The following SLC39A11 variants were observed in gnomAD, a reference collection of about 807,000 sequenced individuals.
SLC39A11 encodes the protein solute carrier family 39 member 11.
Under a neutral mutation model 36.1 loss-of-function variants are expected in SLC39A11, and 33 were observed. The observed-to-expected ratio is 0.91, with a 90% CI of 0.69 to 1.22. SLC39A11 has a LOEUF of 1.22. SLC39A11 is among the 50% of genes most tolerant of loss of function. The pLI, the probability that SLC39A11 is intolerant of heterozygous loss-of-function variation, is 0.00. For synonymous variants in SLC39A11, 166 were observed against 170.3 expected (o/e 0.97, Z 0.20); for missense variants, 432 against 430.3 (o/e 1.00, Z -0.03).
rs145211486 is a variant in SLC39A11, at chr17:72,798,414, C to CTTTTTTTTTTTT, written c.601+51219_601+51220insAAAAAAAAAAAA. ...GAGCTCTGGTCTCTTCCACTTCTTT[C>CTTTTTTTTTTTT]TTTCTTTTTTTTTTTTTGAGATGGA... is the stretch of plus-strand genomic sequence containing the variant. On this transcript the variant is annotated intron_variant, in intron 6 of 9. Coordinates refer to ENST00000255559, the MANE Select transcript of SLC39A11 (RefSeq NM_139177.4). Among the ~76,000 whole-genome samples, 5 of 140,630 alleles carry CTTTTTTTTTTTT rather than the reference C, an allele frequency of 3.6e-5. 2 individuals carry two copies. Among genetic ancestry groups the CTTTTTTTTTTTT allele is most frequent in the Non-Finnish European group, 4.6e-5 (3 of 64,934 alleles). 92.3% of individuals were successfully genotyped at this position (140,630 alleles called of 152,430 possible).
At chr17:73,058,584 A>C (rs2059743849) in intron 3 of SLC39A11, among the ~76,000 whole-genome samples, 1 of 152,186 alleles carries the variant, frequency 6.6e-6, no homozygotes. Context: ...TTAGCCAGGC[A>C]TGGTAGCAGG....
intron 4 of SLC39A11, among the ~76,000 whole-genome samples, chr17:72,975,732 A>T (rs1009060384): frequency 3.3e-5 from 5 of 152,256 alleles, no homozygotes; most frequent in Non-Finnish European, 5.9e-5. Flanking sequence ...AAAGATAGAA[A>T]GCGAACAATG....
intron 7 of SLC39A11, among the ~76,000 whole-genome samples, chr17:72,725,943 A>G (rs1211054343): frequency 6.6e-6 from 1 of 152,220 alleles, no homozygotes; most frequent in Non-Finnish European, 1.5e-5. Context: ...CTGCTGTGAA[A>G]GGGTGGGGAC....
intron 4 of SLC39A11, among the ~76,000 whole-genome samples, chr17:72,990,794 G>GTA (rs200635435): frequency 1.8e-4 from 27 of 151,994 alleles, no homozygotes; most frequent in East Asian, 1.2e-3. Context: ...ATCTTACAGT[G>GTA]TATATATATA....
chr17:72,924,063 C>T (rs866481389), intron 5 of SLC39A11, among the ~76,000 whole-genome samples: 25 of 150,510 alleles, frequency 1.7e-4, no homozygotes, highest in African/African-American at 5.9e-4. Flanking sequence ...GGGAGGATCA[C>T]TTGAGCCCGG....
chr17:72,844,893 C>T (rs1409844496), intron 6 of SLC39A11, among the ~76,000 whole-genome samples: 1 of 152,186 alleles, frequency 6.6e-6, no homozygotes, highest in Non-Finnish European at 1.5e-5. Context: ...CAGTTGATGG[C>T]AATTCCATCC....
intron 5 of SLC39A11, among the ~76,000 whole-genome samples, chr17:72,926,521 T>C (rs936287613): frequency 6.6e-6 from 1 of 152,108 alleles, no homozygotes; most frequent in African/African-American, 2.4e-5. Context: ...AGATATTTTT[T>C]CTGGGGATGT....
In SLC39A11 at chr17:73,031,665, A is replaced by C; in HGVS notation, c.197T>G (p.Met66Arg). ...YWSLLAPAVEMATSSGGFGAF... is the reference protein window; with the variant it reads ...YWSLLAPAVERATSSGGFGAF... ...ACCGAAGCCCCCAGAGGACGTGGCC[A>C]TCTCAACTGCTGGGGCCAGAAGAGA... The change falls in exon 4 of 10, where the codon ATG (methionine) becomes AGG (arginine). Residue 66 changes from methionine (M) to arginine (R), a missense_variant. Met to Arg is a moderately conservative substitution (Grantham distance 91). Coordinates refer to ENST00000255559, the MANE Select transcript of SLC39A11 (RefSeq NM_139177.4). 6.2e-7 allele frequency: 1 copy of C among 1,614,160 alleles called. No individual in the cohort carries two copies. The highest frequency in any genetic ancestry group is 1.3e-5 in the African/African-American group (1 of 75,046).
intron 7 of SLC39A11, among the ~76,000 whole-genome samples, chr17:72,653,501 G>A (rs2069962129): frequency 6.9e-6 from 1 of 145,644 alleles, no homozygotes; most frequent in African/African-American, 2.6e-5. Context: ...GTGCAGTGGC[G>A]TGATCTCAGC....
intron 4 of SLC39A11, among the ~76,000 whole-genome samples, chr17:73,009,681 T>C (rs1042733182): frequency 3.3e-5 from 5 of 152,222 alleles, no homozygotes; most frequent in African/African-American, 9.6e-5. Flanking sequence ...TAAATGTCAC[T>C]GAAGTGTTCC....
At chr17:72,694,048 G>A (rs774214579) in intron 7 of SLC39A11, among the ~76,000 whole-genome samples, 1 of 152,180 alleles carries the variant, frequency 6.6e-6, no homozygotes, top group Non-Finnish European at 1.5e-5. Flanking sequence ...TCTGGGGCTG[G>A]ACTGAGGGAG....
intron 6 of SLC39A11, among the ~76,000 whole-genome samples, chr17:72,789,727 A>G (rs1384717245): frequency 6.6e-6 from 1 of 152,220 alleles, no homozygotes; most frequent in Non-Finnish European, 1.5e-5. Context: ...AGGGTTCTTT[A>G]TTATATAGAA....
chr17:72,736,309 T>C (rs1281638364), intron 7 of SLC39A11, among the ~76,000 whole-genome samples: 2 of 152,182 alleles, frequency 1.3e-5, no homozygotes, highest in African/African-American at 4.8e-5. Context: ...AAGGGAGGGC[T>C]TCAAAAAGGA....
intron 6 of SLC39A11, among the ~76,000 whole-genome samples, chr17:72,775,291 C>T (rs2076095233): frequency 6.6e-6 from 1 of 152,210 alleles, no homozygotes; most frequent in South Asian, 2.1e-4. Context: ...GTCCTGGGGT[C>T]CAACCTTCAG....
chr17:72,964,123 C>T (rs1005053025), intron 4 of SLC39A11, among the ~76,000 whole-genome samples: 4 of 152,118 alleles, frequency 2.6e-5, no homozygotes, highest in Admixed American at 2.6e-4. Flanking sequence ...ATGGCTATTC[C>T]AAAGGGCACC....
rs115831425 is a variant in SLC39A11, at chr17:72,890,657, G to A, written c.431-40853C>T. 6.4e-3 allele frequency among the ~76,000 whole-genome samples: 971 copies of A among 152,274 alleles called. 8 individuals carry two copies. The highest frequency in any genetic ancestry group is 0.022 in the African/African-American group (913 of 41,550). On this transcript the variant is annotated intron_variant, in intron 5 of 9. Coordinates refer to ENST00000255559, the MANE Select transcript of SLC39A11 (RefSeq NM_139177.4). The stretch of plus-strand genomic sequence containing the variant: ...GTTGGACAGATAAGTAAGCTATCTG[G>A]CAAGAGCAGGGGGATTTCATTCTGA...
In SLC39A11 at chr17:72,782,738, T is replaced by C. The variant is rs2076364677; in HGVS notation, c.602-46019A>G. Among the ~76,000 whole-genome samples, 3 of 144,126 alleles carry C rather than the reference T, an allele frequency of 2.1e-5. No individual in the cohort carries two copies. In the Admixed American group the frequency reaches 2.1e-4, roughly 10 times the overall value. 94.6% of individuals were successfully genotyped at this position (144,126 alleles called of 152,430 possible). A position where few individuals can be genotyped will look rare whatever the true frequency, so the allele number is the denominator to read the frequency against. On this transcript the variant is annotated intron_variant, in intron 6 of 9. Transcript: ENST00000255559. ...AAAGCAGGCCCAGCACAGTGGCTTA[T>C]GCCTGTAATCTCAGCACTTTGGGAG...
At chr17:72,696,379 C>A (rs538182345) in intron 7 of SLC39A11, among the ~76,000 whole-genome samples, 4 of 152,158 alleles carry the variant, frequency 2.6e-5, no homozygotes, top group Non-Finnish European at 4.4e-5. Context: ...AGGTACCTAC[C>A]AGGACAGCTG....
At chr17:72,945,500 A>G (rs188482885) in intron 5 of SLC39A11, among the ~76,000 whole-genome samples, 4 of 152,346 alleles carry the variant, frequency 2.6e-5, no homozygotes, top group Admixed American at 6.5e-5. Context: ...AATAGCCATT[A>G]TCAGTTTTGG....
Sources: gnomAD v4.1 joint callset for allele counts (sites outside exome capture counted in the v4.1 genomes callset) on GRCh38, gnomAD v4.1.1 for gene constraint, MANE v1.5 for transcripts, NCBI Gene and HGNC (gene_info 2026-07-23, HGNC 2026-07-21) for gene names.